CHRM2: variants seen among roughly 807,000 people sequenced by gnomAD.
CHRM2 encodes the protein muscarinic acetylcholine receptor M2.
Under a neutral mutation model 25.0 loss-of-function variants are expected in CHRM2, and 8 were observed. The ratio of observed to expected loss-of-function variants is 0.32; its 90% CI spans 0.19 to 0.58. The LOEUF is 0.58. Ranked by LOEUF, CHRM2 falls within the 20% of genes least tolerant of loss-of-function variation. CHRM2 has a pLI of 0.88. For missense variants in CHRM2, 440 were observed against 567.1 expected, an observed-to-expected ratio of 0.78 and a Z score of 2.28; for synonymous variants, 202 against 205.7, an observed-to-expected ratio of 0.98 and a Z score of 0.15.
chr7:136,890,653 T>C (rs1287061209), intron 2 of CHRM2, among the ~76,000 whole-genome samples: 1 of 152,166 alleles, frequency 6.6e-6, no homozygotes, highest in African/African-American at 2.4e-5. Context: ...TCGTGGAGGC[T>C]TCTAGCCTGA....
chr7:136,961,122 T>TCAAAAAAAA (rs1563092374), intron 2 of CHRM2, among the ~76,000 whole-genome samples: 1 of 147,824 alleles, frequency 6.8e-6, no homozygotes, highest in African/African-American at 2.5e-5. Context: ...TAGACTTCAT[T>TCAAAAAAAA]AAAAAAAAAA....
chr7:137,014,850 G>A lies in CHRM2; in HGVS notation c.-16G>A. The A allele has an allele frequency of 6.2e-7, 1 of 1,610,990 alleles. No homozygotes were observed. On this transcript the variant is annotated 5_prime_UTR_variant, in exon 4 of 4. Coordinates refer to ENST00000680005, the MANE Select transcript of CHRM2 (RefSeq NM_001006630.2). ...AATGTTTATTTGCTACTTGGCTACT[G>A]ATTAGAGAACGCAAAATGAATAACT...
chr7:136,969,396 A>T (rs2130923815), intron 2 of CHRM2, among the ~76,000 whole-genome samples: 1 of 152,180 alleles, frequency 6.6e-6, no homozygotes, highest in African/African-American at 2.4e-5. Context: ...TCCTGATTTG[A>T]CCCACTACTT....
At chr7:136,967,286 T>C (rs1801479698) in intron 2 of CHRM2, among the ~76,000 whole-genome samples, 1 of 151,988 alleles carries the variant, frequency 6.6e-6, no homozygotes, top group African/African-American at 2.4e-5. Context: ...AGCTGCCCTA[T>C]CCAATTAGAG....
chr7:136,905,661 T>C lies in CHRM2; in HGVS notation c.-125+36243T>C, dbSNP rs140728655. Among the ~76,000 whole-genome samples, 51 of 151,780 alleles carry C rather than the reference T, an allele frequency of 3.4e-4. No individual in the cohort carries two copies. In the East Asian group the frequency reaches 8.9e-3, roughly 27 times the overall value. Reference sequence around the variant, plus strand: ...AGATCAATCCCCTTTAAGTATTTTATAATTAGAATTTATTTATTTATTTAT... The same window carrying C: ...AGATCAATCCCCTTTAAGTATTTTACAATTAGAATTTATTTATTTATTTAT... On this transcript the variant is annotated intron_variant, in intron 2 of 3. Coordinates refer to ENST00000680005, the MANE Select transcript of CHRM2 (RefSeq NM_001006630.2).
intron 2 of CHRM2, among the ~76,000 whole-genome samples, chr7:136,959,248 C>A (rs1330933944): frequency 6.6e-6 from 1 of 152,136 alleles, no homozygotes; most frequent in Non-Finnish European, 1.5e-5. Flanking sequence ...GAATGTATAT[C>A]TTCTGCTATA....
At chr7:136,901,034 T>C (rs886737868) in intron 2 of CHRM2, among the ~76,000 whole-genome samples, 5 of 152,086 alleles carry the variant, frequency 3.3e-5, no homozygotes, top group African/African-American at 4.8e-5. Flanking sequence ...TATATCATAG[T>C]ACATACACAA....
intron 3 of CHRM2, among the ~76,000 whole-genome samples, chr7:137,007,365 G>C (rs1041176981): frequency 6.6e-6 from 1 of 152,052 alleles, no homozygotes; most frequent in Non-Finnish European, 1.5e-5. Context: ...AGCCCTTGAG[G>C]GCATGTGTGG....
chr7:136,985,565 T>C (rs1298128782), intron 2 of CHRM2, among the ~76,000 whole-genome samples: 2 of 146,832 alleles, frequency 1.4e-5, no homozygotes, highest in African/African-American at 2.5e-5. Flanking sequence ...TCCTGAGTCA[T>C]GGCATTGAAG....
At chr7:136,988,051 AT>A (rs1180671517) in intron 2 of CHRM2, among the ~76,000 whole-genome samples, 1 of 150,518 alleles carries the variant, frequency 6.6e-6, no homozygotes, top group Non-Finnish European at 1.5e-5. Flanking sequence ...TGTATAATAT[AT>A]TTATTTACAT....
rs1472761493 is a variant in CHRM2, at chr7:136,992,322, AGTT to A, written c.-47+64_-47+66del. 3.9e-5 allele frequency: 6 copies of A among 152,176 alleles called. No homozygotes were observed. The South Asian group carries it at 6.2e-4, about 16-fold the overall frequency. The allele number at this position is 152,176 out of a possible 1,614,324, so 9.4% of individuals were successfully genotyped here. A position where few individuals can be genotyped will look rare whatever the true frequency, so the allele number is the denominator to read the frequency against. ...TAATACATTTATAGACAAAACATTA[AGTT>A]GTTGTGAAGTCACAATAATCCTTTG... On this transcript the variant is annotated intron_variant, in intron 3 of 3. Transcript: ENST00000680005.
intron 2 of CHRM2, chr7:136,902,418 G>C (rs566329075): frequency 6.6e-6 from 1 of 152,142 alleles, no homozygotes; most frequent in Non-Finnish European, 1.5e-5. Flanking sequence ...CTCTGATAAT[G>C]TGTGCAGTTT....
chr7:136,993,968 G>A (rs1025753957), intron 3 of CHRM2, among the ~76,000 whole-genome samples: 5 of 152,032 alleles, frequency 3.3e-5, no homozygotes, highest in Admixed American at 2.6e-4. Context: ...TAAATAAACC[G>A]ATGTGACTAT....
chr7:136,894,687 T>G (rs1254849818), intron 2 of CHRM2, among the ~76,000 whole-genome samples: 3 of 152,188 alleles, frequency 2.0e-5, no homozygotes, highest in Non-Finnish European at 4.4e-5. Context: ...TTTAAACATT[T>G]TTAAAGTCTA....
intron 2 of CHRM2, among the ~76,000 whole-genome samples, chr7:136,962,345 G>A (rs1801145956): frequency 6.6e-6 from 1 of 152,106 alleles, no homozygotes; most frequent in Non-Finnish European, 1.5e-5. Context: ...GTGTTGGCCA[G>A]GCTAGTCTCG....
intron 2 of CHRM2, among the ~76,000 whole-genome samples, chr7:136,876,229 A>T (rs1186307896): frequency 6.6e-6 from 1 of 152,208 alleles, no homozygotes; most frequent in African/African-American, 2.4e-5. Flanking sequence ...TTAAAAAACA[A>T]ATTATTTACA....
At chr7:137,000,516 T>TC (rs1803930421) in intron 3 of CHRM2, among the ~76,000 whole-genome samples, 1 of 84,900 alleles carries the variant, frequency 1.2e-5, no homozygotes, top group African/African-American at 4.5e-5. Flanking sequence ...TATATTATTA[T>TC]TAAAAAAAAA....
chr7:136,958,292 G>A (rs1800844725), intron 2 of CHRM2, among the ~76,000 whole-genome samples: 1 of 152,290 alleles, frequency 6.6e-6, no homozygotes, highest in South Asian at 2.1e-4. Flanking sequence ...GATAGCAGCA[G>A]CGAGGGCAGA....
At chr7:137,006,988 T>C (rs1457859884) in intron 3 of CHRM2, among the ~76,000 whole-genome samples, 1 of 152,104 alleles carries the variant, frequency 6.6e-6, no homozygotes, top group East Asian at 1.9e-4. Flanking sequence ...CCAGCAGTAT[T>C]TTGTACTTTC....
Sources: gnomAD v4.1 joint callset for allele counts (sites outside exome capture counted in the v4.1 genomes callset) on GRCh38, gnomAD v4.1.1 for gene constraint, MANE v1.5 for transcripts, NCBI Gene and HGNC (gene_info 2026-07-23, HGNC 2026-07-21) for gene names.